Variants in KCNQ3 observed in about 807,000 individuals in gnomAD.
KCNQ3 encodes potassium voltage-gated channel subfamily KQT member 3.
A neutral mutation model predicts 92.5 loss-of-function variants in KCNQ3; 30 were observed. The ratio of observed to expected loss-of-function variants is 0.32; its 90% CI spans 0.24 to 0.44. KCNQ3 has a LOEUF of 0.44. KCNQ3 is among the 20% of genes least tolerant of loss of function. The probability of loss-of-function intolerance (pLI) is 1.00; values close to 1 mark genes in which losing one functional copy is unlikely to be tolerated. For missense variants in KCNQ3, 913 were observed against 1,140.3 expected, an observed-to-expected ratio of 0.80 and a Z score of 2.87; for synonymous variants, 450 against 468.8, an observed-to-expected ratio of 0.96 and a Z score of 0.52.
intron 9 of KCNQ3, among the ~76,000 whole-genome samples, chr8:132,142,610 C>T (rs1825331235): frequency 6.6e-6 from 1 of 152,196 alleles, no homozygotes. Flanking sequence ...ATACTCAATG[C>T]AGCAGCTTCT....
chr8:132,403,058 A>G (rs1198473320), intron 1 of KCNQ3, among the ~76,000 whole-genome samples: 2 of 150,044 alleles, frequency 1.3e-5, no homozygotes, highest in East Asian at 3.9e-4. Context: ...TGTCAATTGT[A>G]ACAAATGTAC....
At position 132,351,350 on chromosome 8, in the gene KCNQ3, A is replaced by G. The variant is rs144555604; in HGVS notation, c.386+128797T>C. Among the ~76,000 whole-genome samples the G allele has an allele frequency of 9.9e-4, 151 of 152,230 alleles. 2 individuals carry two copies. Among genetic ancestry groups the G allele is most frequent in the East Asian group, 3.7e-3 (19 of 5,178 alleles). ...TTCCCCTTCTTCCTTTCTGAAATTT[A>G]CTCAATCAAAAACTACATCCCTGGG... On this transcript the variant is annotated intron_variant, in intron 1 of 14. Coordinates refer to ENST00000388996, the MANE Select transcript of KCNQ3 (RefSeq NM_004519.4).
chr8:132,186,450 T>A (rs1331891040), intron 1 of KCNQ3: 1 of 421,580 alleles, frequency 2.4e-6, no homozygotes, highest in Non-Finnish European at 4.5e-6. Context: ...TAGTTAGAAT[T>A]TAAACTAGAT....
intron 3 of KCNQ3, among the ~76,000 whole-genome samples, chr8:132,181,669 C>T (rs7011183): frequency 0.077 from 11,703 of 152,142 alleles, 589 homozygotes; most frequent in African/African-American, 0.12. Flanking sequence ...GCCTGTGTAG[C>T]TCATTGAGCA....
At chr8:132,353,300 A>AGAAGG (rs1158619957) in intron 1 of KCNQ3, among the ~76,000 whole-genome samples, 1 of 152,094 alleles carries the variant, frequency 6.6e-6, no homozygotes, top group Non-Finnish European at 1.5e-5. Context: ...GAGGGTGGAA[A>AGAAGG]GAAGGGAAGG....
intron 1 of KCNQ3, among the ~76,000 whole-genome samples, chr8:132,310,939 T>C (rs575901106): frequency 6.6e-6 from 1 of 152,132 alleles, no homozygotes; most frequent in African/African-American, 2.4e-5. Flanking sequence ...CTTACGACTT[T>C]TTTTTTTCTT....
At chr8:132,130,146 G>A (rs574739377) in intron 14 of KCNQ3, 150 bp from the exon 15 acceptor site, 37 of 895,976 alleles carry the variant, frequency 4.1e-5, no homozygotes, top group African/African-American at 2.6e-4. Flanking sequence ...GCAGTGGCGC[G>A]ATCTGGGCTC....
At chr8:132,332,890 G>A (rs891077991) in intron 1 of KCNQ3, among the ~76,000 whole-genome samples, 2 of 152,140 alleles carry the variant, frequency 1.3e-5, no homozygotes, top group African/African-American at 4.8e-5. Context: ...TCATTGCATC[G>A]CTGTGCCATC....
rs376833568 is a variant in KCNQ3, at chr8:132,317,078, A to G, written c.387-130897T>C. ...GGACAATCTCTTTTTTCAGTTCCCA[A>G]ATTATTTAGTGGTATCTTTTTGCTA... On this transcript the variant is annotated intron_variant, in intron 1 of 14. Coordinates refer to ENST00000388996, the MANE Select transcript of KCNQ3 (RefSeq NM_004519.4). 4.9e-4 allele frequency among the ~76,000 whole-genome samples: 75 copies of G among 152,276 alleles called. 1 individual carries two copies. The highest frequency in any genetic ancestry group is 3.4e-3 in the Middle Eastern group (1 of 294).
At chr8:132,207,921 T>TAAA (rs762571946) in intron 1 of KCNQ3, among the ~76,000 whole-genome samples, 8 of 103,882 alleles carry the variant, frequency 7.7e-5, no homozygotes, top group East Asian at 2.6e-4. Context: ...TGAGAGAGAT[T>TAAA]AAAAAAAAAA....
chr8:132,467,973 G>A (rs1202586586), intron 1 of KCNQ3, among the ~76,000 whole-genome samples: 1 of 152,154 alleles, frequency 6.6e-6, no homozygotes, highest in Non-Finnish European at 1.5e-5. Flanking sequence ...GTTTCAAATG[G>A]CCCTGGGCCT....
At chr8:132,451,240 T>C (rs1015632102) in intron 1 of KCNQ3, among the ~76,000 whole-genome samples, 11 of 152,234 alleles carry the variant, frequency 7.2e-5, no homozygotes, top group African/African-American at 2.2e-4. Context: ...GTGACTTTGC[T>C]TCTCCTTTGC....
intron 1 of KCNQ3, among the ~76,000 whole-genome samples, chr8:132,371,710 C>T (rs931280364): frequency 2.0e-5 from 3 of 152,178 alleles, no homozygotes; most frequent in Non-Finnish European, 2.9e-5. Flanking sequence ...CCACTCTCCA[C>T]GAAGAAGGTA....
intron 9 of KCNQ3, among the ~76,000 whole-genome samples, chr8:132,160,985 T>C (rs896520803): frequency 6.6e-6 from 1 of 152,040 alleles, no homozygotes; most frequent in Non-Finnish European, 1.5e-5. Flanking sequence ...TTCACTTTCA[T>C]GAGAATCAAA....
chr8:132,319,312 T>C (rs992434886), intron 1 of KCNQ3, among the ~76,000 whole-genome samples: 2 of 152,270 alleles, frequency 1.3e-5, no homozygotes, highest in South Asian at 2.1e-4. Flanking sequence ...AATTTGACCC[T>C]AGGTTTGTCT....
intron 1 of KCNQ3, among the ~76,000 whole-genome samples, chr8:132,403,687 G>A (rs774228260): frequency 2.4e-4 from 36 of 152,076 alleles, no homozygotes; most frequent in Non-Finnish European, 4.7e-4. Flanking sequence ...TTCAAATCTC[G>A]GTTCAGTGTC....
intron 1 of KCNQ3, among the ~76,000 whole-genome samples, chr8:132,261,649 G>A (rs1188194461): frequency 6.6e-6 from 1 of 152,198 alleles, no homozygotes; most frequent in Non-Finnish European, 1.5e-5. Context: ...AGAGGACAAG[G>A]AGGAGCAACA....
chr8:132,187,831 ATTGTGGTGGTGGTGGTGG>A (rs1563795731), intron 1 of KCNQ3, among the ~76,000 whole-genome samples: 7 of 85,618 alleles, frequency 8.2e-5, no homozygotes, highest in East Asian at 3.3e-4. Context: ...GGTGGTGGTG[ATTGTGGTGGTGGTGGTGG>A]TAGTGATGGT....
intron 1 of KCNQ3, among the ~76,000 whole-genome samples, chr8:132,247,229 G>GTCTA (rs1254110903): frequency 2.6e-5 from 4 of 152,236 alleles, no homozygotes; most frequent in African/African-American, 9.6e-5. Context: ...CTTTAGTAAT[G>GTCTA]TCTATGCATT....
Sources: gnomAD v4.1 joint callset for allele counts (sites outside exome capture counted in the v4.1 genomes callset) on GRCh38, gnomAD v4.1.1 for gene constraint, MANE v1.5 for transcripts, NCBI Gene and HGNC (gene_info 2026-07-23, HGNC 2026-07-21) for gene names.